Variants in PDE10A observed in about 807,000 individuals in gnomAD.
The protein encoded by PDE10A is cAMP and cAMP-inhibited cGMP 3',5'-cyclic phosphodiesterase 10A.
A neutral mutation model predicts 97.7 loss-of-function variants in PDE10A; 39 were observed. The observed-to-expected ratio is 0.40, with a 90% confidence interval of 0.31 to 0.52. PDE10A has a LOEUF of 0.52. Ranked by LOEUF, PDE10A falls within the 20% of genes least tolerant of loss-of-function variation. The pLI is 0.56. For synonymous variants in PDE10A, 371 were observed against 376.8 expected (o/e 0.98, Z 0.18); for missense variants, 731 against 1,047.8 (o/e 0.70, Z 4.17).
intron 1 of PDE10A, among the ~76,000 whole-genome samples, chr6:165,677,912 G>A (rs1281229743): frequency 6.6e-6 from 1 of 151,806 alleles, no homozygotes; most frequent in Non-Finnish European, 1.5e-5. Context: ...GTGTATTTGT[G>A]TATGTGTTTT....
At chr6:165,679,649 C>T (rs1230351842) in intron 1 of PDE10A, among the ~76,000 whole-genome samples, 1 of 152,202 alleles carries the variant, frequency 6.6e-6, no homozygotes, top group Non-Finnish European at 1.5e-5. Context: ...AAAATAGATA[C>T]AGTTGAGCCC....
intron 1 of PDE10A, among the ~76,000 whole-genome samples, chr6:165,638,794 T>G (rs1465917023): frequency 2.0e-5 from 3 of 152,300 alleles, no homozygotes; most frequent in Non-Finnish European, 4.4e-5. Flanking sequence ...AAATAGATTA[T>G]TCAAACAACA....
intron 3 of PDE10A, among the ~76,000 whole-genome samples, chr6:165,458,060 GA>G (rs1778066244): frequency 6.6e-6 from 1 of 152,068 alleles, no homozygotes; most frequent in South Asian, 2.1e-4. Context: ...GCATAAAAAG[GA>G]GCTCCTCAGT....
intron 21 of PDE10A, among the ~76,000 whole-genome samples, chr6:165,334,882 G>A (rs1261464473): frequency 6.6e-6 from 1 of 151,904 alleles, no homozygotes; most frequent in East Asian, 1.9e-4. Context: ...CTTGAAAAAA[G>A]CAGAAAAAAA....
chr6:165,955,949 C>T (rs1460814802), intron 1 of PDE10A, among the ~76,000 whole-genome samples: 4 of 152,158 alleles, frequency 2.6e-5, no homozygotes, highest in Non-Finnish European at 4.4e-5. Flanking sequence ...TTTTGTTTTG[C>T]TACAACTTCT....
At chr6:165,623,309 G>C (rs928916084) in intron 1 of PDE10A, among the ~76,000 whole-genome samples, 1 of 152,090 alleles carries the variant, frequency 6.6e-6, no homozygotes, top group Admixed American at 6.6e-5. Flanking sequence ...GTAGAGACAG[G>C]GTTTCGCCAT....
At chr6:165,754,981 A>G (rs1583041539) in intron 1 of PDE10A, among the ~76,000 whole-genome samples, 1 of 152,348 alleles carries the variant, frequency 6.6e-6, no homozygotes, top group Middle Eastern at 3.4e-3. Context: ...ATTATGAGAT[A>G]TTATAAAAAT....
At chr6:165,545,219 T>C (rs1269786444) in intron 1 of PDE10A, 1 of 504,964 alleles carries the variant, frequency 2.0e-6, no homozygotes, top group East Asian at 5.7e-5. Context: ...AATTCTACTT[T>C]CTCTTCAACA....
intron 1 of PDE10A, among the ~76,000 whole-genome samples, chr6:165,790,561 G>A (rs979722984): frequency 3.9e-5 from 6 of 152,038 alleles, no homozygotes; most frequent in African/African-American, 7.2e-5. Context: ...TTATCTTCTC[G>A]GCAGTGGGCA....
At chr6:165,399,973 G>C (rs77063763) in intron 13 of PDE10A, among the ~76,000 whole-genome samples, 2,138 of 152,226 alleles carry the variant, frequency 0.014, 32 homozygotes, top group Non-Finnish European at 0.021. Flanking sequence ...TGTGGTAGTG[G>C]CATCAAGGGG....
chr6:165,360,265 C>T (rs762929331), intron 18 of PDE10A, among the ~76,000 whole-genome samples: 2 of 152,142 alleles, frequency 1.3e-5, no homozygotes, highest in Admixed American at 6.5e-5. Flanking sequence ...TGAAATTCCA[C>T]CCCAGGTATG....
chr6:165,975,575 T>G (rs1038832260), intron 1 of PDE10A, among the ~76,000 whole-genome samples: 2 of 152,174 alleles, frequency 1.3e-5, no homozygotes, highest in African/African-American at 4.8e-5. Context: ...CAAAGAAGTT[T>G]CCAACTTTAA....
At chr6:165,839,896 TTCCC>T (rs1780187161) in intron 1 of PDE10A, among the ~76,000 whole-genome samples, 16 of 151,490 alleles carry the variant, frequency 1.1e-4, no homozygotes, top group East Asian at 3.9e-4. Flanking sequence ...TCCATCCCCA[TTCCC>T]ATCTCCAACT....
chr6:165,708,206 C>T lies in PDE10A; in HGVS notation c.-614-164638G>A, dbSNP rs114602635. On this transcript the variant is annotated intron_variant, in intron 1 of 19. Transcript: ENST00000366882. ...CTGCAGAGCCCCGGTCAGGTCACCA[C>T]GGACTCCACCTGCTTAACTCATGCC... 7.6e-3 allele frequency among the ~76,000 whole-genome samples: 1,150 copies of T among 152,250 alleles called. 12 individuals carry two copies. The highest frequency in any genetic ancestry group is 0.026 in the African/African-American group (1,067 of 41,538).
chr6:165,425,770 CGTGTGTGTGTGT>C (rs57229720), intron 10 of PDE10A, among the ~76,000 whole-genome samples: 1 of 144,036 alleles, frequency 6.9e-6, no homozygotes, highest in Non-Finnish European at 1.5e-5. Flanking sequence ...AAGGCATGAT[CGTGTGTGTGTGT>C]GTGTGTGTGT....
intron 1 of PDE10A, among the ~76,000 whole-genome samples, chr6:165,692,413 G>T (rs969587048): frequency 1.3e-5 from 2 of 152,188 alleles, no homozygotes; most frequent in African/African-American, 4.8e-5. Context: ...TCCAGCCTCT[G>T]CCCTACCATC....
intron 13 of PDE10A, among the ~76,000 whole-genome samples, chr6:165,402,128 T>A (rs1562426197): frequency 6.6e-6 from 1 of 152,204 alleles, no homozygotes; most frequent in Non-Finnish European, 1.5e-5. Flanking sequence ...TATGCATTAC[T>A]TCATGTCTCA....
Position 165,861,829 on chromosome 6 carries a change from T to G in PDE10A, c.-615+125700A>C, listed in dbSNP as rs181957048. On this transcript the variant is annotated intron_variant, in intron 1 of 19. Coordinates refer to the PDE10A transcript ENST00000366882. ...CAGGAGCAAGAGCCTCCTCTCTGGA[T>G]GCATATTTCCATAGGCAGACAAAAA... 1.2e-4 allele frequency among the ~76,000 whole-genome samples: 18 copies of G among 152,278 alleles called. No homozygotes were observed. In the East Asian group the frequency reaches 3.3e-3, roughly 28 times the overall value.
chr6:165,383,255 T>C (rs1053059632), intron 17 of PDE10A, among the ~76,000 whole-genome samples: 2 of 152,104 alleles, frequency 1.3e-5, no homozygotes, highest in Admixed American at 6.6e-5. Context: ...AATGGGCTAT[T>C]AAAAAAGGCA....
Sources: gnomAD v4.1 joint callset for allele counts (sites outside exome capture counted in the v4.1 genomes callset) on GRCh38, gnomAD v4.1.1 for gene constraint, MANE v1.5 for transcripts, NCBI Gene and HGNC (gene_info 2026-07-23, HGNC 2026-07-21) for gene names.